Variants in THOC2 observed in about 807,000 individuals in gnomAD.
The protein encoded by THOC2 is THO complex 2.
Under a neutral mutation model 128.4 loss-of-function variants are expected in THOC2, and 10 were observed. The ratio of observed to expected loss-of-function variants is 0.08; its 90% confidence interval spans 0.05 to 0.13. The LOEUF (loss-of-function observed/expected upper bound fraction) is 0.13. Among genes scored for constraint, THOC2 ranks in the 10% least tolerant of loss-of-function variants. The pLI, the probability that THOC2 is intolerant of heterozygous loss-of-function variation, is 1.00. For synonymous variants in THOC2, 393 were observed against 396.9 expected (o/e 0.99, Z 0.12); for missense variants, 535 against 1,155.7 (o/e 0.46, Z 7.79).
At chrX:123,680,957 C>A (rs936587639) in intron 8 of THOC2, among the ~76,000 whole-genome samples, 1 of 110,491 alleles carries the variant, frequency 9.1e-6, no homozygotes, top group Non-Finnish European at 1.9e-5. Context: ...ACCACACACA[C>A]ACATGCATTC....
In THOC2 at chrX:123,697,822, T is replaced by C. The variant is rs1229153173; in HGVS notation, c.275-71A>G. The C allele has an allele frequency of 2.9e-5, 14 of 477,355 alleles. No individual in the cohort carries two copies. The East Asian group carries it at 5.5e-4, about 19-fold the overall frequency. The allele number at this position is 477,355 out of a possible 1,213,427, so 39.3% of individuals were successfully genotyped here. On this transcript the variant is annotated intron_variant, in intron 4 of 38. Transcript: ENST00000245838. ...CCCCAGCACTAAAGTAAGATACTTA[T>C]TTTATTTGAAACTAACTAATTTTAA...
intron 22 of THOC2, among the ~76,000 whole-genome samples, chrX:123,629,081 G>A (rs1482429380): frequency 9.3e-6 from 1 of 107,911 alleles, no homozygotes; most frequent in Non-Finnish European, 1.9e-5. Flanking sequence ...CAATGGGAGG[G>A]GCTGCAGAGA....
At chrX:123,706,131 AAG>A (rs1319147113) in intron 3 of THOC2, among the ~76,000 whole-genome samples, 4 of 111,530 alleles carry the variant, frequency 3.6e-5, no homozygotes, top group African/African-American at 1.3e-4. Flanking sequence ...AACCATGTAA[AAG>A]AGTTTTTTTT....
At chrX:123,725,616 C>CAA (rs56708326) in intron 1 of THOC2, among the ~76,000 whole-genome samples, 10,738 of 32,472 alleles carry the variant, frequency 0.33, 1,484 homozygotes, top group East Asian at 0.63. Context: ...GACCCTATCT[C>CAA]AAAAAAAAAA....
At chrX:123,630,851 G>A (rs2047455601) in intron 22 of THOC2, among the ~76,000 whole-genome samples, 1 of 111,741 alleles carries the variant, frequency 8.9e-6, no homozygotes, top group East Asian at 2.8e-4. Flanking sequence ...CTTTTCCAGA[G>A]AGTGGCATGC....
intron 8 of THOC2, among the ~76,000 whole-genome samples, chrX:123,684,285 A>T (rs770795207): frequency 8.9e-6 from 1 of 112,262 alleles, no homozygotes; most frequent in South Asian, 3.7e-4. Flanking sequence ...AATTTCAGCC[A>T]ACCTGTCACT....
intron 8 of THOC2, among the ~76,000 whole-genome samples, chrX:123,674,084 T>A (rs1272009702): frequency 8.9e-6 from 1 of 112,045 alleles, no homozygotes; most frequent in East Asian, 2.8e-4. Flanking sequence ...ATGTTCTATA[T>A]ATATAACGTT....
chrX:123,652,887 C>G (rs936669874), intron 12 of THOC2, among the ~76,000 whole-genome samples: 6 of 111,890 alleles, frequency 5.4e-5, no homozygotes, highest in Admixed American at 4.7e-4. Context: ...CCCCATCAAG[C>G]TACCAGTGAC....
intron 33 of THOC2, among the ~76,000 whole-genome samples, chrX:123,614,599 C>T (rs1238107991): frequency 3.6e-5 from 4 of 110,040 alleles, no homozygotes; most frequent in African/African-American, 1.3e-4. Flanking sequence ...TTTAAATAGT[C>T]TTACCATCCA....
intron 25 of THOC2, 80 bp downstream of exon 25, chrX:123,625,832 A>G: frequency 9.8e-7 from 1 of 1,016,933 alleles, no homozygotes; most frequent in Non-Finnish European, 1.4e-6. Flanking sequence ...TTTTAACTAA[A>G]CACACAATAA....
chrX:123,726,931 G>A (rs1603348195), intron 1 of THOC2, among the ~76,000 whole-genome samples: 7 of 111,890 alleles, frequency 6.3e-5, no homozygotes, highest in Admixed American at 4.8e-4. Flanking sequence ...TGGGCGTAGT[G>A]GCTCATGCCT....
intron 1 of THOC2, 23 bp downstream of exon 1, chrX:123,732,929 C>T (rs377687838): frequency 7.1e-5 from 86 of 1,205,081 alleles, no homozygotes; most frequent in African/African-American, 8.7e-5. Flanking sequence ...GGCAGTGCGC[C>T]TGCCTCCGGC....
At chrX:123,615,736 T>C (rs1366892267) in intron 33 of THOC2, among the ~76,000 whole-genome samples, 1 of 109,647 alleles carries the variant, frequency 9.1e-6, no homozygotes, top group Non-Finnish European at 1.9e-5. Context: ...CTGTGAGGAA[T>C]TGAGAAATTT....
intron 7 of THOC2, 140 bp downstream of exon 7, chrX:123,695,881 T>C: frequency 2.5e-6 from 1 of 394,662 alleles, no homozygotes; most frequent in Non-Finnish European, 4.3e-6. Flanking sequence ...CCATTAAAAG[T>C]AAAAGCTAAA....
rs1276796164 is a variant in THOC2, at chrX:123,661,341, G to A, written c.1386+4301C>T. Among the ~76,000 whole-genome samples, 17 of 110,923 alleles carry A rather than the reference G, an allele frequency of 1.5e-4. No homozygotes were observed. The Admixed American group carries it at 1.6e-3, about 11-fold the overall frequency. ...AATTGCTTGAACCCAGGAGGCGGAGGTTGCAGTGAGCCGAGGTCGCGCCAT... is the reference window on the plus strand; with the variant it reads ...AATTGCTTGAACCCAGGAGGCGGAGATTGCAGTGAGCCGAGGTCGCGCCAT... On this transcript the variant is annotated intron_variant, in intron 12 of 38. Transcript: ENST00000245838.
In THOC2 at chrX:123,671,685, T is replaced by C; in HGVS notation, c.845A>G (p.Asp282Gly). 1.7e-6 allele frequency: 2 copies of C among 1,161,184 alleles called. No individual in the cohort carries two copies. Among genetic ancestry groups the C allele is most frequent in the South Asian group, 4.0e-5 (2 of 49,987 alleles). The change falls in exon 9 of 39, where the codon GAT (aspartate) becomes GGT (glycine). Residue 282 changes from aspartate to glycine, a missense_variant. Transcript: ENST00000245838. ...VLLQFNLIDL[D>G]DLYVHLLPAD... ...TTGACTTACATGTACATAAAGATCA[T>C]CTAAATCAATAAGATTAAATTGTAG...
chrX:123,725,955 C>T (rs2051956303), intron 1 of THOC2, among the ~76,000 whole-genome samples: 1 of 111,744 alleles, frequency 8.9e-6, no homozygotes, highest in Non-Finnish European at 1.9e-5. Context: ...CACCTATAAT[C>T]CCAGCACTTT....
intron 3 of THOC2, among the ~76,000 whole-genome samples, chrX:123,706,010 T>G (rs1477192735): frequency 1.8e-5 from 2 of 111,659 alleles, no homozygotes; most frequent in Admixed American, 1.9e-4. Context: ...GCTTAACTAC[T>G]GGTTTACAAT....
At chrX:123,665,301 G>A (rs998992649) in intron 12 of THOC2, among the ~76,000 whole-genome samples, 1 of 111,833 alleles carries the variant, frequency 8.9e-6, no homozygotes. Flanking sequence ...ACTCCCCACA[G>A]TATTCAGTAC....
Sources: gnomAD v4.1 joint callset for allele counts (sites outside exome capture counted in the v4.1 genomes callset) on GRCh38, gnomAD v4.1.1 for gene constraint, MANE v1.5 for transcripts, NCBI Gene and HGNC (gene_info 2026-07-23, HGNC 2026-07-21) for gene names.